FBXL17: variants seen among roughly 807,000 people sequenced by gnomAD.
FBXL17 encodes the protein F-box and leucine rich repeat protein 17.
A neutral mutation model predicts 66.2 loss-of-function variants in FBXL17; 22 were observed. The ratio of observed to expected loss-of-function variants is 0.33; its 90% CI spans 0.24 to 0.47. The LOEUF is 0.47. Among genes scored for constraint, FBXL17 ranks in the 20% least tolerant of loss-of-function variants. The pLI, the probability that FBXL17 is intolerant of heterozygous loss-of-function variation, is 1.00. For synonymous variants in FBXL17, 474 were observed against 400.5 expected (o/e 1.18, Z -2.19); for missense variants, 878 against 948.2 (o/e 0.93, Z 0.97).
intron 4 of FBXL17, among the ~76,000 whole-genome samples, chr5:108,276,135 C>G (rs533078780): frequency 1.3e-5 from 2 of 152,140 alleles, no homozygotes; most frequent in Non-Finnish European, 1.5e-5. Context: ...AATTAATTAG[C>G]TGGATTTATT....
At chr5:108,240,469 T>G (rs1382977139) in intron 4 of FBXL17, among the ~76,000 whole-genome samples, 2 of 152,128 alleles carry the variant, frequency 1.3e-5, no homozygotes. Context: ...AAGAGACTCC[T>G]CTTCTTATGG....
chr5:108,235,227 G>T (rs1755545265), intron 4 of FBXL17, among the ~76,000 whole-genome samples: 1 of 152,046 alleles, frequency 6.6e-6, no homozygotes, highest in Admixed American at 6.6e-5. Context: ...ATCTTAATTA[G>T]AAACTAAAAA....
intron 5 of FBXL17, among the ~76,000 whole-genome samples, chr5:108,186,957 ATTTT>A (rs1395338728): frequency 6.6e-6 from 1 of 151,796 alleles, no homozygotes; most frequent in East Asian, 1.9e-4. Context: ...TTCTGTATAG[ATTTT>A]TTTATTTTTT....
chr5:108,140,350 C>T (rs1423636497), intron 6 of FBXL17, among the ~76,000 whole-genome samples: 1 of 152,130 alleles, frequency 6.6e-6, no homozygotes, highest in African/African-American at 2.4e-5. Context: ...TGGCAACCCA[C>T]CATGTCTTTT....
intron 5 of FBXL17, among the ~76,000 whole-genome samples, chr5:108,206,476 A>T (rs1447586065): frequency 6.6e-6 from 1 of 152,104 alleles, no homozygotes; most frequent in African/African-American, 2.4e-5. Context: ...ACCACAACCA[A>T]CATAATATAT....
chr5:108,316,820 A>G (rs1036617087), intron 4 of FBXL17, among the ~76,000 whole-genome samples: 1 of 151,360 alleles, frequency 6.6e-6, no homozygotes, highest in Non-Finnish European at 1.5e-5. Context: ...TTTAGAGATC[A>G]GTAATCACTA....
At chr5:108,364,251 T>C (rs1748519881) in intron 3 of FBXL17, among the ~76,000 whole-genome samples, 1 of 152,032 alleles carries the variant, frequency 6.6e-6, no homozygotes, top group Non-Finnish European at 1.5e-5. Flanking sequence ...AAACAGAAGG[T>C]ATGCATAATA....
At chr5:108,027,399 T>C (rs1051800480) in intron 6 of FBXL17, among the ~76,000 whole-genome samples, 1 of 152,170 alleles carries the variant, frequency 6.6e-6, no homozygotes, top group African/African-American at 2.4e-5. Context: ...ATTTTAGCCA[T>C]TGATCCATCC....
chr5:107,890,408 T>G (rs540327778), intron 7 of FBXL17, among the ~76,000 whole-genome samples: 1 of 151,436 alleles, frequency 6.6e-6, no homozygotes, highest in East Asian at 1.9e-4. Flanking sequence ...ATGCCTATAA[T>G]CCCTGTACTT....
At chr5:108,008,881 A>G (rs1243119199) in intron 7 of FBXL17, among the ~76,000 whole-genome samples, 2 of 152,028 alleles carry the variant, frequency 1.3e-5, no homozygotes, top group Non-Finnish European at 2.9e-5. Flanking sequence ...TTGTGATTTT[A>G]TTTCTAATAG....
chr5:108,063,870 T>G (rs528965754), intron 6 of FBXL17, among the ~76,000 whole-genome samples: 3 of 152,178 alleles, frequency 2.0e-5, no homozygotes, highest in Non-Finnish European at 4.4e-5. Context: ...AAAATTTGCT[T>G]TGAATAAAAT....
intron 4 of FBXL17, among the ~76,000 whole-genome samples, chr5:108,236,394 T>C (rs1433946869): frequency 2.0e-5 from 3 of 151,440 alleles, no homozygotes; most frequent in Non-Finnish European, 4.4e-5. Flanking sequence ...GCGCCTGTAA[T>C]CCCAGCTACT....
At chr5:108,255,334 CTATCT>C (rs927848259) in intron 4 of FBXL17, among the ~76,000 whole-genome samples, 8 of 152,030 alleles carry the variant, frequency 5.3e-5, no homozygotes, top group African/African-American at 1.7e-4. Flanking sequence ...TTGGTTGTTC[CTATCT>C]TATCTTTGTA....
At chr5:108,171,838 T>C (rs923186962) in intron 6 of FBXL17, among the ~76,000 whole-genome samples, 3 of 152,104 alleles carry the variant, frequency 2.0e-5, no homozygotes, top group African/African-American at 4.8e-5. Context: ...TGGGAGGTAA[T>C]TGAATCATGG....
chr5:108,248,271 C>A (rs1346252911), intron 4 of FBXL17, among the ~76,000 whole-genome samples: 1 of 152,000 alleles, frequency 6.6e-6, no homozygotes, highest in African/African-American at 2.4e-5. Flanking sequence ...AAAGAAGAAC[C>A]ACATGGAAGT....
chr5:108,281,311 A>C (rs1757693218), intron 4 of FBXL17, among the ~76,000 whole-genome samples: 1 of 151,954 alleles, frequency 6.6e-6, no homozygotes, highest in African/African-American at 2.4e-5. Context: ...AATAATATCA[A>C]GTATCTTCTC....
intron 6 of FBXL17, among the ~76,000 whole-genome samples, chr5:108,091,409 C>T (rs1749183463): frequency 6.6e-6 from 1 of 152,124 alleles, no homozygotes; most frequent in African/African-American, 2.4e-5. Context: ...CAAAAGATCG[C>T]ATTTCTCTGT....
chr5:107,974,434 C>CT (rs1752505052), intron 7 of FBXL17, among the ~76,000 whole-genome samples: 1 of 151,918 alleles, frequency 6.6e-6, no homozygotes, highest in African/African-American at 2.4e-5. Context: ...CTTATAAAGA[C>CT]TTTTTTCACT....
intron 7 of FBXL17, among the ~76,000 whole-genome samples, chr5:107,992,061 T>C (rs1048073273): frequency 3.4e-4 from 51 of 150,680 alleles, no homozygotes; most frequent in Admixed American, 3.3e-3. Flanking sequence ...AGATAAAAAT[T>C]ATACATGCAC....
Sources: gnomAD v4.1 joint callset for allele counts (sites outside exome capture counted in the v4.1 genomes callset) on GRCh38, gnomAD v4.1.1 for gene constraint, MANE v1.5 for transcripts, NCBI Gene and HGNC (gene_info 2026-07-23, HGNC 2026-07-21) for gene names.